ADGRL3: variants seen among roughly 807,000 people sequenced by gnomAD.
ADGRL3 encodes calcium-independent alpha-latrotoxin receptor 3.
ADGRL3 carries 62 observed loss-of-function variants against 153.5 expected under a neutral mutation model. The observed-to-expected ratio is 0.40, with a 90% CI of 0.33 to 0.50. The LOEUF (loss-of-function observed/expected upper bound fraction) is 0.50, where lower values mean the gene tolerates loss of function less well. Ranked by LOEUF, ADGRL3 falls within the 20% of genes least tolerant of loss-of-function variation. ADGRL3 has a pLI of 0.47. For synonymous variants in ADGRL3, 710 were observed against 672.5 expected, an observed-to-expected ratio of 1.06 and a Z score of -0.86; for missense variants, 1,641 against 1,859.4, an observed-to-expected ratio of 0.88 and a Z score of 2.16.
chr4:61,640,992 T>G (rs1331351659), intron 5 of ADGRL3, among the ~76,000 whole-genome samples: 1 of 152,156 alleles, frequency 6.6e-6, no homozygotes. Context: ...GATCACTATA[T>G]ATTGTTTCCA....
At chr4:61,302,738 C>A (rs2094620295) in intron 1 of ADGRL3, among the ~76,000 whole-genome samples, 1 of 151,850 alleles carries the variant, frequency 6.6e-6, no homozygotes, top group Non-Finnish European at 1.5e-5. Context: ...TTTTAAAAAC[C>A]AAGTACCCGA....
At chr4:61,722,093 C>A (rs2096252991) in intron 6 of ADGRL3, among the ~76,000 whole-genome samples, 1 of 152,016 alleles carries the variant, frequency 6.6e-6, no homozygotes, top group Non-Finnish European at 1.5e-5. Flanking sequence ...ATATTAGCCC[C>A]AAATCACAGT....
chr4:62,009,759 T>G (rs1054484888), intron 21 of ADGRL3, among the ~76,000 whole-genome samples: 4 of 152,132 alleles, frequency 2.6e-5, no homozygotes, highest in Non-Finnish European at 4.4e-5. Context: ...GTGCAGACCC[T>G]ACAGGTTAAC....
In ADGRL3 at chr4:62,037,775, T is replaced by C; in HGVS notation, c.3636T>C (p.Ser1212=). The C allele has an allele frequency of 1.9e-6, 3 of 1,613,786 alleles. No individual in the cohort carries two copies. Among genetic ancestry groups the C allele is most frequent in the South Asian group, 2.2e-5 (2 of 91,082 alleles). The change falls in exon 24 of 27, where the codon AGT becomes AGC. Residue 1212 remains serine, a synonymous_variant. Transcript: ENST00000683033. The part of the protein sequence containing the change: ...YGKCLRTHCC[S]GKSTESSIGS... The stretch of plus-strand genomic sequence containing the variant: ...AATGCCTGCGAACACATTGCTGTAG[T>C]GGCAAAAGTACAGAGAGTTCCATTG...
intron 19 of ADGRL3, among the ~76,000 whole-genome samples, chr4:61,989,868 T>C (rs1336293470): frequency 5.9e-5 from 9 of 151,998 alleles, no homozygotes; most frequent in Admixed American, 5.9e-4. Flanking sequence ...TCCACTAGGA[T>C]GGCTACAATA....
chr4:61,340,359 T>G (rs1260805468), intron 1 of ADGRL3, among the ~76,000 whole-genome samples: 1 of 152,142 alleles, frequency 6.6e-6, no homozygotes, highest in Non-Finnish European at 1.5e-5. Context: ...TTCTCTATTA[T>G]AGCAATTCAA....
chr4:61,910,555 T>G (rs1341566830), intron 12 of ADGRL3, among the ~76,000 whole-genome samples: 1 of 151,694 alleles, frequency 6.6e-6, no homozygotes, highest in Non-Finnish European at 1.5e-5. Context: ...GTAAAACATA[T>G]TAGCATAGCT....
At chr4:62,023,746 G>T (rs1470364159) in intron 21 of ADGRL3, among the ~76,000 whole-genome samples, 1 of 152,084 alleles carries the variant, frequency 6.6e-6, no homozygotes, top group Non-Finnish European at 1.5e-5. Context: ...ATCAAGGTAT[G>T]TATAGTGTTT....
chr4:61,893,539 T>A (rs150330318), intron 10 of ADGRL3, among the ~76,000 whole-genome samples: 1 of 152,096 alleles, frequency 6.6e-6, no homozygotes, highest in African/African-American at 2.4e-5. Context: ...AAAGAAAGTT[T>A]GACTCTCCTT....
intron 1 of ADGRL3, among the ~76,000 whole-genome samples, chr4:61,356,822 A>G (rs1371532948): frequency 6.6e-6 from 1 of 152,146 alleles, no homozygotes; most frequent in Non-Finnish European, 1.5e-5. Flanking sequence ...CCATGACTGC[A>G]AAGTCCTGGC....
At chr4:61,841,122 T>A (rs1187090346) in intron 9 of ADGRL3, among the ~76,000 whole-genome samples, 1 of 152,192 alleles carries the variant, frequency 6.6e-6, no homozygotes, top group African/African-American at 2.4e-5. Flanking sequence ...CTCCTCCCCC[T>A]TTCTTTCTTC....
At chr4:61,305,779 C>A (rs1310295950) in intron 1 of ADGRL3, among the ~76,000 whole-genome samples, 2 of 152,142 alleles carry the variant, frequency 1.3e-5, no homozygotes, top group Admixed American at 6.5e-5. Flanking sequence ...ATCCACTTCT[C>A]CACTCATGAA....
intron 1 of ADGRL3, among the ~76,000 whole-genome samples, chr4:61,373,826 C>A (rs1317112237): frequency 1.3e-5 from 2 of 152,040 alleles, no homozygotes; most frequent in Admixed American, 6.6e-5. Flanking sequence ...TTTTAATGAA[C>A]CTTATTTGAA....
chr4:61,905,795 C>A (rs1462779240), intron 11 of ADGRL3, among the ~76,000 whole-genome samples: 1 of 150,658 alleles, frequency 6.6e-6, no homozygotes, highest in East Asian at 2.0e-4. Flanking sequence ...CTCGGGAGAC[C>A]AAGGCATGAG....
intron 17 of ADGRL3, among the ~76,000 whole-genome samples, chr4:61,969,048 C>A (rs1300187336): frequency 6.6e-6 from 1 of 151,972 alleles, no homozygotes; most frequent in Non-Finnish European, 1.5e-5. Flanking sequence ...ATTGTAGCAC[C>A]ATGATCATTA....
At position 61,379,445 on chromosome 4, in the gene ADGRL3, ACT is replaced by A. The variant is rs1362439423; in HGVS notation, c.-239-3676_-239-3675del. 2.0e-5 allele frequency among the ~76,000 whole-genome samples: 3 copies of A among 152,024 alleles called. No individual in the cohort carries two copies. In the East Asian group the frequency reaches 5.8e-4, roughly 29 times the overall value. Reference sequence around the variant, plus strand: ...AGTTCTAAGAATGATTTAAGGATTAACTCTTGTAGACAAAAAGATACTCCATC... The same window carrying A: ...AGTTCTAAGAATGATTTAAGGATTAACTTGTAGACAAAAAGATACTCCATC... On this transcript the variant is annotated intron_variant, in intron 1 of 26. Coordinates refer to ENST00000683033, the MANE Select transcript of ADGRL3 (RefSeq NM_001387552.1).
chr4:61,938,672 T>C (rs1217688374), intron 15 of ADGRL3, among the ~76,000 whole-genome samples: 1 of 152,048 alleles, frequency 6.6e-6, no homozygotes, highest in Admixed American at 6.6e-5. Context: ...TCCTGCTTCT[T>C]TGTGTCACTA....
intron 17 of ADGRL3, among the ~76,000 whole-genome samples, chr4:61,954,424 C>T (rs76458842): frequency 2.6e-5 from 4 of 151,954 alleles, no homozygotes; most frequent in Non-Finnish European, 4.4e-5. Context: ...TAATTTTCAA[C>T]ATAGTTGCCA....
chr4:61,375,352 G>T (rs987403247), intron 1 of ADGRL3, among the ~76,000 whole-genome samples: 3 of 152,134 alleles, frequency 2.0e-5, no homozygotes, highest in Non-Finnish European at 2.9e-5. Flanking sequence ...AATGTTTAAA[G>T]AAAAGGATTT....
Sources: gnomAD v4.1 joint callset for allele counts (sites outside exome capture counted in the v4.1 genomes callset) on GRCh38, gnomAD v4.1.1 for gene constraint, MANE v1.5 for transcripts, NCBI Gene and HGNC (gene_info 2026-07-23, HGNC 2026-07-21) for gene names.